COL26A1: variants seen among roughly 807,000 people sequenced by gnomAD.
The protein encoded by COL26A1 is collagen alpha-1(XXVI) chain.
COL26A1 carries 41 observed loss-of-function variants against 59.3 expected under a neutral mutation model. That is an observed-to-expected ratio of 0.69 (90% CI 0.54 to 0.90). COL26A1 has a LOEUF of 0.90. COL26A1 is among the 40% of genes least tolerant of loss of function. The probability of loss-of-function intolerance (pLI) is 0.00; values close to 1 mark genes in which losing one functional copy is unlikely to be tolerated. For synonymous variants in COL26A1, 266 were observed against 256.0 expected (o/e 1.04, Z -0.37); for missense variants, 612 against 602.3 (o/e 1.02, Z -0.17).
chr7:101,513,077 G>T (rs1211023546), intron 3 of COL26A1, among the ~76,000 whole-genome samples: 1 of 151,844 alleles, frequency 6.6e-6, no homozygotes, highest in Non-Finnish European at 1.5e-5. Context: ...CATGATTTTG[G>T]CTCACTGCAA....
intron 1 of COL26A1, chr7:101,388,997 C>G (rs750271713): frequency 2.1e-4 from 62 of 295,010 alleles, no homozygotes; most frequent in Non-Finnish European, 3.1e-4. Context: ...CGCCATGGGG[C>G]TTCCCCTTCT....
intron 1 of COL26A1, among the ~76,000 whole-genome samples, chr7:101,374,094 T>C (rs1227719457): frequency 6.6e-6 from 1 of 152,208 alleles, no homozygotes; most frequent in Non-Finnish European, 1.5e-5. Flanking sequence ...CAGACAATCC[T>C]ACGGAAACAT....
At chr7:101,375,618 T>A (rs1791296679) in intron 1 of COL26A1, among the ~76,000 whole-genome samples, 1 of 151,750 alleles carries the variant, frequency 6.6e-6, no homozygotes, top group Non-Finnish European at 1.5e-5. Flanking sequence ...GGCAGGAGGA[T>A]TGCTTGAGCC....
chr7:101,516,773 G>A (rs1019553279), intron 3 of COL26A1, among the ~76,000 whole-genome samples: 3 of 152,174 alleles, frequency 2.0e-5, no homozygotes, highest in African/African-American at 7.2e-5. Flanking sequence ...CCAGAGAGAT[G>A]ACTAGGCCTT....
chr7:101,431,550 A>G (rs904768324), intron 2 of COL26A1, among the ~76,000 whole-genome samples: 2 of 152,092 alleles, frequency 1.3e-5, no homozygotes, highest in African/African-American at 2.4e-5. Flanking sequence ...GTGAGCCACC[A>G]TGCCCGGCTG....
chr7:101,436,243 A>G lies in COL26A1; in HGVS notation c.282-11441A>G, dbSNP rs1792911701. On this transcript the variant is annotated intron_variant, in intron 2 of 12. Transcript: ENST00000313669. ...GGAACGTCTAGCTTGGATTCTGGGGAGGCTGGAGGCCTCAGAAATGCAGTG... is the reference window on the plus strand; with the variant it reads ...GGAACGTCTAGCTTGGATTCTGGGGGGGCTGGAGGCCTCAGAAATGCAGTG... 2.0e-5 allele frequency among the ~76,000 whole-genome samples: 3 copies of G among 152,202 alleles called. No homozygotes were observed. The South Asian group carries it at 6.2e-4, about 32-fold the overall frequency.
chr7:101,440,291 G>A (rs1029247627), intron 2 of COL26A1, among the ~76,000 whole-genome samples: 16 of 118,942 alleles, frequency 1.3e-4, no homozygotes, highest in South Asian at 6.1e-4. Flanking sequence ...GCTTGAACCC[G>A]GGAGGTGAAG....
At chr7:101,556,575 A>G (rs1795979386) in intron 12 of COL26A1, among the ~76,000 whole-genome samples, 1 of 151,926 alleles carries the variant, frequency 6.6e-6, no homozygotes, top group South Asian at 2.1e-4. Flanking sequence ...GAATAAATGA[A>G]TGGGTGGATG....
At chr7:101,468,834 C>T (rs539282694) in intron 3 of COL26A1, among the ~76,000 whole-genome samples, 11 of 152,212 alleles carry the variant, frequency 7.2e-5, no homozygotes, top group Non-Finnish European at 1.3e-4. Context: ...CCTTGGCGCT[C>T]AGCTGAGATT....
intron 3 of COL26A1, among the ~76,000 whole-genome samples, chr7:101,461,942 A>T (rs1793623380): frequency 6.7e-6 from 1 of 150,050 alleles, no homozygotes; most frequent in Admixed American, 6.6e-5. Flanking sequence ...GCCTCTGCTT[A>T]GCCTGTTATG....
At chr7:101,448,239 T>C (rs1793248260) in intron 3 of COL26A1, among the ~76,000 whole-genome samples, 1 of 152,186 alleles carries the variant, frequency 6.6e-6, no homozygotes, top group South Asian at 2.1e-4. Flanking sequence ...CAGATAGACG[T>C]TCACCCAGCT....
intron 1 of COL26A1, among the ~76,000 whole-genome samples, chr7:101,398,192 G>A (rs1000428493): frequency 6.6e-5 from 10 of 152,054 alleles, no homozygotes; most frequent in Admixed American, 1.3e-4. Context: ...TTCTCCTTTC[G>A]TGGACATTCT....
intron 3 of COL26A1, among the ~76,000 whole-genome samples, chr7:101,528,972 C>A (rs963742396): frequency 5.9e-5 from 9 of 152,082 alleles, no homozygotes; most frequent in Admixed American, 2.6e-4. Context: ...TCGAGACCAG[C>A]CTGGCCAACA....
intron 3 of COL26A1, among the ~76,000 whole-genome samples, chr7:101,517,217 G>A (rs1200409905): frequency 2.6e-5 from 4 of 152,190 alleles, no homozygotes; most frequent in Admixed American, 2.0e-4. Context: ...TTCCGTGTGA[G>A]CGCAGTATTC....
chr7:101,531,918 C>T (rs1795378231), intron 3 of COL26A1, among the ~76,000 whole-genome samples: 1 of 152,098 alleles, frequency 6.6e-6, no homozygotes, highest in African/African-American at 2.4e-5. Flanking sequence ...TCACCTCTCC[C>T]AAGCAGGATC....
intron 3 of COL26A1, among the ~76,000 whole-genome samples, chr7:101,456,463 G>A (rs961485258): frequency 4.6e-5 from 7 of 151,900 alleles, no homozygotes; most frequent in Admixed American, 1.3e-4. Context: ...TCGGGAGTTC[G>A]AGACCAGCCT....
At chr7:101,367,955 C>T (rs1010457759) in intron 1 of COL26A1, among the ~76,000 whole-genome samples, 2 of 151,268 alleles carry the variant, frequency 1.3e-5, no homozygotes, top group South Asian at 2.1e-4. Flanking sequence ...AAATATTCAG[C>T]AGAACACCAC....
At chr7:101,365,746 T>C (rs1292277894) in intron 1 of COL26A1, among the ~76,000 whole-genome samples, 1 of 151,740 alleles carries the variant, frequency 6.6e-6, no homozygotes, top group Non-Finnish European at 1.5e-5. Context: ...TACTGGCCGG[T>C]ACGGGGATTG....
intron 1 of COL26A1, among the ~76,000 whole-genome samples, chr7:101,408,842 G>A (rs1248300783): frequency 2.0e-5 from 3 of 152,160 alleles, no homozygotes; most frequent in African/African-American, 7.2e-5. Context: ...CCCTGTCTCT[G>A]CTGGCTCCTG....
Sources: gnomAD v4.1 joint callset for allele counts (sites outside exome capture counted in the v4.1 genomes callset) on GRCh38, gnomAD v4.1.1 for gene constraint, MANE v1.5 for transcripts, NCBI Gene and HGNC (gene_info 2026-07-23, HGNC 2026-07-21) for gene names.